The following PRICKLE1 variants were observed in gnomAD, a reference collection of about 807,000 sequenced individuals.
The protein encoded by PRICKLE1 is prickle-like protein 1.
A neutral mutation model predicts 70.2 loss-of-function variants in PRICKLE1; 14 were observed. The observed-to-expected ratio is 0.20, with a 90% CI of 0.13 to 0.31. The LOEUF is 0.31. Ranked by LOEUF, PRICKLE1 falls within the 10% of genes least tolerant of loss-of-function variation. The pLI is 1.00. For missense variants in PRICKLE1, 821 were observed against 1,026.2 expected, an observed-to-expected ratio of 0.80 and a Z score of 2.73; for synonymous variants, 357 against 379.9, an observed-to-expected ratio of 0.94 and a Z score of 0.70.
intron 1 of PRICKLE1, among the ~76,000 whole-genome samples, chr12:42,521,929 G>GGTGT (rs72169209): frequency 0.017 from 2,393 of 139,832 alleles, 65 homozygotes; most frequent in African/African-American, 0.057. Flanking sequence ...GTTTGTTTTT[G>GGTGT]GTGTGTGTGT....
Position 42,458,307 on chromosome 12 carries a change from T to C in PRICKLE1, c.*1502A>G, listed in dbSNP as rs1188886557. On this transcript the variant is annotated 3_prime_UTR_variant, in exon 8 of 8. Transcript: ENST00000345127. ...ATCATGCCTGAACACAGGCACAAAA[T>C]GGAAGTTATCTGGATACATTTGCAA... 6.6e-6 allele frequency: 1 copy of C among 152,180 alleles called. No individual in the cohort carries two copies. The highest frequency in any genetic ancestry group is 1.5e-5 in the Non-Finnish European group (1 of 68,036). The allele number at this position is 152,180 out of a possible 1,614,324, so 9.4% of individuals were successfully genotyped here.
intron 1 of PRICKLE1, among the ~76,000 whole-genome samples, chr12:42,520,793 T>C (rs1296800594): frequency 6.6e-6 from 1 of 152,208 alleles, no homozygotes; most frequent in Non-Finnish European, 1.5e-5. Context: ...TTTAAAGAAA[T>C]GTCAAAATGT....
chr12:42,469,686 G>C, intron 3 of PRICKLE1, 99 bp from the exon 4 acceptor site: 1 of 1,499,738 alleles, frequency 6.7e-7, no homozygotes, highest in Non-Finnish European at 9.2e-7. Flanking sequence ...GAAACAGTAA[G>C]TTTAGCTCGC....
chr12:42,534,791 C>A (rs143284783), intron 1 of PRICKLE1, among the ~76,000 whole-genome samples: 317 of 152,114 alleles, frequency 2.1e-3, no homozygotes, highest in African/African-American at 6.7e-3. Flanking sequence ...CTAAAAAAAA[C>A]CCCAAAGAAA....
chr12:42,563,723 A>G (rs962036989), intron 1 of PRICKLE1, among the ~76,000 whole-genome samples: 2 of 151,296 alleles, frequency 1.3e-5, no homozygotes, highest in East Asian at 3.9e-4. Context: ...AAAAAAAAAA[A>G]AAAAGAATCT....
rs535127727 is a variant in PRICKLE1 at position 42,547,593 on chromosome 12, T to C, written c.-49+41872A>G. Among the ~76,000 whole-genome samples the C allele has an allele frequency of 2.6e-5, 4 of 152,304 alleles. No individual in the cohort carries two copies. In the East Asian group the frequency reaches 7.7e-4, roughly 29 times the overall value. On this transcript the variant is annotated intron_variant, in intron 1 of 7. Transcript: ENST00000345127. ...GTAAAATGGGAAAAAATACACCTAA[T>C]TCTTGATACTATTTTTAAAGACTGA...
intron 1 of PRICKLE1, among the ~76,000 whole-genome samples, chr12:42,503,488 C>A (rs1421605116): frequency 2.0e-5 from 3 of 152,068 alleles, no homozygotes; most frequent in Non-Finnish European, 4.4e-5. Context: ...TATCACAATA[C>A]AAATCTTAAC....
At chr12:42,509,801 G>A (rs1406777479) in intron 1 of PRICKLE1, among the ~76,000 whole-genome samples, 1 of 151,980 alleles carries the variant, frequency 6.6e-6, no homozygotes, top group Non-Finnish European at 1.5e-5. Context: ...ATGGCCCGGC[G>A]AGGTGGCTCA....
chr12:42,535,579 TCTTC>T (rs1222317473), intron 1 of PRICKLE1, among the ~76,000 whole-genome samples: 4 of 152,182 alleles, frequency 2.6e-5, no homozygotes, highest in Admixed American at 1.3e-4. Flanking sequence ...ATGAGTTTGC[TCTTC>T]CTTAGGGGCA....
chr12:42,488,155 C>A (rs896302180), intron 1 of PRICKLE1, among the ~76,000 whole-genome samples: 3 of 152,206 alleles, frequency 2.0e-5, no homozygotes, highest in African/African-American at 4.8e-5. Flanking sequence ...ACTCTCCTCA[C>A]CCCTGTTGTT....
intron 1 of PRICKLE1, among the ~76,000 whole-genome samples, chr12:42,588,596 A>AAATCAGC (rs1941022261): frequency 6.6e-6 from 1 of 151,966 alleles, no homozygotes; most frequent in African/African-American, 2.4e-5. Context: ...ACCCTTTTAA[A>AAATCAGC]AATCAGCAAC....
intron 1 of PRICKLE1, among the ~76,000 whole-genome samples, chr12:42,503,515 A>G (rs1939353200): frequency 6.6e-6 from 1 of 152,204 alleles, no homozygotes. Flanking sequence ...AACTACTGAG[A>G]AAAGAACACA....
At chr12:42,470,685 C>T (rs905216821) in intron 2 of PRICKLE1, among the ~76,000 whole-genome samples, 1 of 152,208 alleles carries the variant, frequency 6.6e-6, no homozygotes. Flanking sequence ...GCTGGTGGAT[C>T]ACCTGAGGTC....
chr12:42,476,013 T>C (rs960846676), intron 1 of PRICKLE1, among the ~76,000 whole-genome samples: 5 of 149,416 alleles, frequency 3.3e-5, no homozygotes, highest in South Asian at 2.2e-4. Flanking sequence ...GGGAGGAGAA[T>C]TGCTTGAACC....
chr12:42,567,177 T>A (rs1279822518), intron 1 of PRICKLE1, among the ~76,000 whole-genome samples: 1 of 152,344 alleles, frequency 6.6e-6, no homozygotes, highest in Non-Finnish European at 1.5e-5. Context: ...AGCTCCTCGA[T>A]GGATACCATC....
chr12:42,587,291 C>T (rs144255600), intron 1 of PRICKLE1, among the ~76,000 whole-genome samples: 1 of 152,174 alleles, frequency 6.6e-6, no homozygotes, highest in Non-Finnish European at 1.5e-5. Context: ...ATATGTCTAT[C>T]TCTATAAACT....
At chr12:42,498,081 C>T (rs1331980460) in intron 1 of PRICKLE1, among the ~76,000 whole-genome samples, 1 of 151,900 alleles carries the variant, frequency 6.6e-6, no homozygotes, top group African/African-American at 2.4e-5. Context: ...AACTCTTAGC[C>T]TCAAGCGATC....
At chr12:42,509,107 C>T (rs1939468817) in intron 1 of PRICKLE1, among the ~76,000 whole-genome samples, 1 of 152,204 alleles carries the variant, frequency 6.6e-6, no homozygotes, top group Admixed American at 6.5e-5. Flanking sequence ...CCTGTACTCG[C>T]AGAGGAGACC....
chr12:42,500,642 T>G (rs796709400), intron 1 of PRICKLE1, among the ~76,000 whole-genome samples: 4 of 151,282 alleles, frequency 2.6e-5, no homozygotes, highest in African/African-American at 9.7e-5. Flanking sequence ...CATAGCACTA[T>G]AATACATTTT....
Sources: allele counts gnomAD v4.1 joint callset (sites outside exome capture counted in the v4.1 genomes callset), GRCh38; gene constraint gnomAD v4.1.1; transcripts MANE v1.5; gene names NCBI Gene and HGNC (gene_info 2026-07-23, HGNC 2026-07-21).